CEP57L1: variants seen among roughly 807,000 people sequenced by gnomAD.
The protein encoded by CEP57L1 is centrosomal protein CEP57L1.
In CEP57L1, 37 loss-of-function variants were observed where a neutral mutation model predicts 61.0. The ratio of observed to expected loss-of-function variants is 0.61; its 90% CI spans 0.47 to 0.80. The LOEUF is 0.80. Among genes scored for constraint, CEP57L1 ranks in the 30% least tolerant of loss-of-function variants. The pLI, the probability that CEP57L1 is intolerant of heterozygous loss-of-function variation, is 0.00. For missense variants in CEP57L1, 422 were observed against 524.7 expected (o/e 0.80, Z 1.91); for synonymous variants, 137 against 162.3 (o/e 0.84, Z 1.19).
rs1773866851 is a variant in CEP57L1, at chr6:109,163,091, A to G, written c.*121A>G. ...ATCATGTTTCTAGTTTCTATAAAAC[A>G]TGAAGTTGCAGTATTTAAAAATTAA... On this transcript the variant is annotated 3_prime_UTR_variant, in exon 11 of 11. Transcript: ENST00000517392. 3 of 674,322 alleles carry G rather than the reference A, an allele frequency of 4.4e-6. No homozygotes were observed. Among genetic ancestry groups the G allele is most frequent in the Non-Finnish European group, 7.5e-6 (3 of 400,120 alleles). The allele number at this position is 674,322 out of a possible 1,614,324, so 41.8% of individuals were successfully genotyped here.
intron 3 of CEP57L1, among the ~76,000 whole-genome samples, chr6:109,147,179 T>C (rs1772059641): frequency 6.6e-6 from 1 of 152,100 alleles, no homozygotes; most frequent in African/African-American, 2.4e-5. Flanking sequence ...ATTAAGATTT[T>C]AGACAAGTTG....
At chr6:109,140,982 C>G (rs1333718127) in intron 1 of CEP57L1, among the ~76,000 whole-genome samples, 1 of 151,726 alleles carries the variant, frequency 6.6e-6, no homozygotes, top group Non-Finnish European at 1.5e-5. Context: ...GGGCGCCCAC[C>G]ACCACACCCG....
rs1293881584 is a variant in CEP57L1 at position 109,172,856 on chromosome 6, TTGTC to T, written c.*9889_*9892del. 3.3e-5 allele frequency among the ~76,000 whole-genome samples: 5 copies of T among 152,336 alleles called. No individual in the cohort carries two copies. The South Asian group carries it at 6.2e-4, about 19-fold the overall frequency. On this transcript the variant is annotated 3_prime_UTR_variant, in exon 11 of 11. Coordinates refer to ENST00000517392, the MANE Select transcript of CEP57L1 (RefSeq NM_001271852.3). ...TGTTACTACAACATAGGAGTTAACT[TTGTC>T]TGGAGGCTTTTTCAAGCCCAAGAGG...
At chr6:109,110,217 T>C (rs1446052264) in intron 1 of CEP57L1, among the ~76,000 whole-genome samples, 1 of 152,230 alleles carries the variant, frequency 6.6e-6, no homozygotes, top group Non-Finnish European at 1.5e-5. Flanking sequence ...TCCTGACTTT[T>C]TAAATGATTG....
chr6:109,108,391 T>C (rs1308250744), intron 1 of CEP57L1, among the ~76,000 whole-genome samples: 1 of 152,098 alleles, frequency 6.6e-6, no homozygotes, highest in African/African-American at 2.4e-5. Flanking sequence ...TTTGTATTTT[T>C]AGCAGAGACA....
rs73762651 is a variant in CEP57L1, at chr6:109,172,696, C to T, written c.*9726C>T. 0.04 allele frequency among the ~76,000 whole-genome samples: 6,118 copies of T among 152,198 alleles called. 445 individuals are homozygous for T. The highest frequency in any genetic ancestry group is 0.14 in the African/African-American group (5,836 of 41,496). ...TTTCCTCCTAAAGCATGGAATTGGC[C>T]ATAAATTTGCTTAGTGATTTTCTGA... On this transcript the variant is annotated 3_prime_UTR_variant, in exon 11 of 11. Coordinates refer to ENST00000517392, the MANE Select transcript of CEP57L1 (RefSeq NM_001271852.3).
chr6:109,160,834 A>G (rs1463537640), intron 10 of CEP57L1, 118 bp downstream of exon 10: 1 of 937,640 alleles, frequency 1.1e-6, no homozygotes, highest in African/African-American at 1.7e-5. Context: ...GAAAAGATGG[A>G]TGGTAATCCC....
rs184639179 is a variant in CEP57L1, at chr6:109,168,780, G to C, written c.*5810G>C. Among the ~76,000 whole-genome samples the C allele has an allele frequency of 1.3e-5, 2 of 151,288 alleles. No individual in the cohort carries two copies. The highest frequency in any genetic ancestry group is 4.8e-5 in the African/African-American group (2 of 41,378). On this transcript the variant is annotated 3_prime_UTR_variant, in exon 11 of 11. Transcript: ENST00000517392. The stretch of plus-strand genomic sequence containing the variant: ...CCTGCTAATTTTTTGTATTTTAGTA[G>C]AGATGGGGTTTCACTGTATTGCCCA...
chr6:109,149,605 CT>C (rs1258140492), intron 3 of CEP57L1, among the ~76,000 whole-genome samples: 9 of 151,620 alleles, frequency 5.9e-5, no homozygotes, highest in African/African-American at 2.2e-4. Context: ...AATGCGGGCT[CT>C]TTTTTGGTTC....
rs1774106812 is a variant in CEP57L1, at chr6:109,166,406, T to G, written c.*3436T>G. Among the ~76,000 whole-genome samples, 1 of 148,708 alleles carries G rather than the reference T, an allele frequency of 6.7e-6. No individual in the cohort carries two copies. Among genetic ancestry groups the G allele is most frequent in the Non-Finnish European group, 1.5e-5 (1 of 67,258 alleles). On this transcript the variant is annotated 3_prime_UTR_variant, in exon 11 of 11. Coordinates refer to ENST00000517392, the MANE Select transcript of CEP57L1 (RefSeq NM_001271852.3). Reference sequence around the variant, plus strand: ...CTTTTTTTTTTTTTTTTGGTGGGCATGGAGTCTCGCTGTGTCACCCAGGCT... The same window carrying G: ...CTTTTTTTTTTTTTTTTGGTGGGCAGGGAGTCTCGCTGTGTCACCCAGGCT...
chr6:109,152,535 T>C (rs1382408679), intron 4 of CEP57L1, among the ~76,000 whole-genome samples: 1 of 152,154 alleles, frequency 6.6e-6, no homozygotes, highest in Non-Finnish European at 1.5e-5. Flanking sequence ...GAGCAGATAG[T>C]ATAGAAAGAG....
At position 109,148,889 on chromosome 6, in the gene CEP57L1, A is replaced by C. The variant is rs572645309; in HGVS notation, c.341-1229A>C. ...GGCCAGTGATGGTGAGCATTTGTTC[A>C]TGTGTTTTTTGGCTGCATAAATGTC... On this transcript the variant is annotated intron_variant, in intron 3 of 10. Transcript: ENST00000517392. 8.2e-3 allele frequency among the ~76,000 whole-genome samples: 1,254 copies of C among 152,244 alleles called. 14 individuals carry two copies. Among genetic ancestry groups the C allele is most frequent in the African/African-American group, 0.028 (1,177 of 41,548 alleles).
chr6:109,136,511 A>G (rs1770701619), intron 1 of CEP57L1, among the ~76,000 whole-genome samples: 2 of 151,364 alleles, frequency 1.3e-5, no homozygotes, highest in East Asian at 3.9e-4. Context: ...ACATGTATAC[A>G]TATGTAACAA....
chr6:109,101,621 TTC>T, intron 1 of CEP57L1, among the ~76,000 whole-genome samples: 1 of 148,686 alleles, frequency 6.7e-6, no homozygotes, highest in African/African-American at 2.5e-5. Context: ...TTTTTCTTTT[TTC>T]TTTTTTTTTT....
chr6:109,097,754 G>C lies in CEP57L1; in HGVS notation c.-4+2179G>C, dbSNP rs150193927. Among the ~76,000 whole-genome samples the C allele has an allele frequency of 5.2e-3, 797 of 152,362 alleles. 6 individuals carry two copies. Among genetic ancestry groups the C allele is most frequent in the Non-Finnish European group, 9.1e-3 (622 of 68,030 alleles). ...AGGGGAATGGGGAGTGCCAGGATGT[G>C]AGGGGCAAGGTTCACTTTTAAATAA... is the stretch of plus-strand genomic sequence containing the variant. On this transcript the variant is annotated intron_variant, in intron 1 of 10. Transcript: ENST00000517392.
chr6:109,106,353 T>G (rs1770934602), intron 1 of CEP57L1, among the ~76,000 whole-genome samples: 1 of 152,200 alleles, frequency 6.6e-6, no homozygotes, highest in Non-Finnish European at 1.5e-5. Flanking sequence ...TACATCTTAT[T>G]TTCTTTTTCT....
intron 1 of CEP57L1, among the ~76,000 whole-genome samples, chr6:109,134,359 A>G (rs1439063573): frequency 6.6e-6 from 1 of 152,236 alleles, no homozygotes; most frequent in African/African-American, 2.4e-5. Context: ...ACAAAATTCA[A>G]CAGCCCTTCA....
At chr6:109,100,629 C>T (rs980960258) in intron 1 of CEP57L1, among the ~76,000 whole-genome samples, 1 of 132,658 alleles carries the variant, frequency 7.5e-6, no homozygotes, top group Non-Finnish European at 1.5e-5. Flanking sequence ...GAGCTGAGAT[C>T]GTTCCATTGC....
chr6:109,119,720 G>A (rs1772727937), intron 1 of CEP57L1, among the ~76,000 whole-genome samples: 1 of 152,140 alleles, frequency 6.6e-6, no homozygotes, highest in African/African-American at 2.4e-5. Flanking sequence ...GAAGGGCTGG[G>A]CCTGGAGAAG....
Sources: gnomAD v4.1 joint callset for allele counts (sites outside exome capture counted in the v4.1 genomes callset) on GRCh38, gnomAD v4.1.1 for gene constraint, MANE v1.5 for transcripts, NCBI Gene and HGNC (gene_info 2026-07-23, HGNC 2026-07-21) for gene names.